ZNF564: variants seen among roughly 807,000 people sequenced by gnomAD.
ZNF564 encodes the protein zinc finger protein 564.
In ZNF564, 5 loss-of-function variants were observed where a neutral mutation model predicts 10.5. The ratio of observed to expected loss-of-function variants is 0.48; its 90% CI spans 0.25 to 1.00. The LOEUF (loss-of-function observed/expected upper bound fraction) is 1.00, where lower values mean the gene tolerates loss of function less well. Ranked by LOEUF, ZNF564 falls within the 50% of genes least tolerant of loss-of-function variation. The pLI is 0.16. For missense variants in ZNF564, 603 were observed against 669.7 expected, an observed-to-expected ratio of 0.90 and a Z score of 1.10; for synonymous variants, 242 against 218.1, an observed-to-expected ratio of 1.11 and a Z score of -0.97.
At chr19:12,543,078 A>G (rs1357224990) in intron 1 of ZNF564, among the ~76,000 whole-genome samples, 1 of 152,124 alleles carries the variant, frequency 6.6e-6, no homozygotes, top group Non-Finnish European at 1.5e-5. Flanking sequence ...AGGCGGGCAG[A>G]TCACCCAAGG....
intron 1 of ZNF564, chr19:12,550,467 C>T (rs2022232165): frequency 3.9e-6 from 1 of 254,188 alleles, no homozygotes; most frequent in Admixed American, 4.3e-5. Flanking sequence ...ACCAACCTGG[C>T]CAACATGGAG....
chr19:12,528,259 C>T, intron 3 of ZNF564, 45 bp downstream of exon 3: 2 of 1,526,914 alleles, frequency 1.3e-6, no homozygotes, highest in Non-Finnish European at 1.8e-6. Context: ...AATTTCATGA[C>T]ATACTAAGAA....
At chr19:12,538,608 C>T (rs911186517) in intron 1 of ZNF564, among the ~76,000 whole-genome samples, 5 of 151,746 alleles carry the variant, frequency 3.3e-5, no homozygotes, top group Admixed American at 3.3e-4. Flanking sequence ...CTGGGCAACA[C>T]AGCAAGACTC....
intron 1 of ZNF564, 110 bp downstream of exon 1, chr19:12,551,220 C>A: frequency 1.5e-6 from 2 of 1,312,674 alleles, no homozygotes; most frequent in Non-Finnish European, 1.1e-6. Context: ...GAACTCGGGT[C>A]CCAGACCCTG....
intron 1 of ZNF564, among the ~76,000 whole-genome samples, chr19:12,529,175 CTT>C (rs2021751466): frequency 1.3e-5 from 2 of 152,192 alleles, no homozygotes; most frequent in South Asian, 4.1e-4. Flanking sequence ...TCTACATTCA[CTT>C]TCTCATAAAT....
At chr19:12,543,685 A>AG (rs1444779782) in intron 1 of ZNF564, among the ~76,000 whole-genome samples, 1 of 151,424 alleles carries the variant, frequency 6.6e-6, no homozygotes, top group Non-Finnish European at 1.5e-5. Flanking sequence ...AAAAAAAAAA[A>AG]AAAAAAAAAA....
intron 1 of ZNF564, among the ~76,000 whole-genome samples, chr19:12,537,738 CAAAAAAA>C (rs56173239): frequency 8.7e-6 from 1 of 114,558 alleles, no homozygotes; most frequent in Non-Finnish European, 1.7e-5. Flanking sequence ...AACTCCGTCT[CAAAAAAA>C]AAAAAAAAGA....
At chr19:12,543,937 C>A (rs764291287) in intron 1 of ZNF564, among the ~76,000 whole-genome samples, 2 of 152,120 alleles carry the variant, frequency 1.3e-5, no homozygotes, top group Non-Finnish European at 2.9e-5. Context: ...AGACAGCTTG[C>A]TTCCTCTCTC....
rs1389751499 is a variant in ZNF564 at position 12,533,271 on chromosome 19, AAAG to A, written c.4-4578_4-4576del. 4.6e-5 allele frequency among the ~76,000 whole-genome samples: 7 copies of A among 152,360 alleles called. No individual in the cohort carries two copies. The South Asian group carries it at 1.2e-3, about 27-fold the overall frequency. ...ACAATTCTAAATAAGCACATGGATCAAAGAAGTCTGAGAAATCAAAAATAATTT... is the reference window on the plus strand; with the variant it reads ...ACAATTCTAAATAAGCACATGGATCAAAGTCTGAGAAATCAAAAATAATTT... On this transcript the variant is annotated intron_variant, in intron 1 of 3. Coordinates refer to ENST00000339282, the MANE Select transcript of ZNF564 (RefSeq NM_144976.4).
At chr19:12,537,438 T>C (rs140206141) in intron 1 of ZNF564, among the ~76,000 whole-genome samples, 114 of 152,328 alleles carry the variant, frequency 7.5e-4, no homozygotes, top group African/African-American at 2.5e-3. Flanking sequence ...TTAAAGTATA[T>C]GGAAGACAAT....
At chr19:12,528,262 A>G (rs1401493747) in intron 3 of ZNF564, 42 bp downstream of exon 3, 1 of 1,541,870 alleles carries the variant, frequency 6.5e-7, no homozygotes, top group African/African-American at 1.4e-5. Context: ...TTCATGACAT[A>G]CTAAGAAGGA....
chr19:12,526,850 G>T lies in ZNF564; in HGVS notation c.1258C>A (p.Pro420Thr). Residue 420 changes from proline (P) to threonine (T), a missense_variant, in exon 4 of 4, where the codon CCC becomes ACC. Physicochemically the swap from Pro to Thr is conservative, Grantham distance 38. Coordinates refer to ENST00000339282, the MANE Select transcript of ZNF564 (RefSeq NM_144976.4). The stretch of plus-strand genomic sequence containing the variant: ...TTCCCACATACCTGACATTCATAGG[G>T]TTTCTCTCCAGTGTGAGTTCTTTCG... The part of the protein sequence containing the change: ...IHERTHTGEK[P>T]YECQVCGKAF... 6.2e-7 allele frequency: 1 copy of T among 1,614,028 alleles called. No individual in the cohort carries two copies. Among genetic ancestry groups the T allele is most frequent in the Non-Finnish European group, 8.5e-7 (1 of 1,179,996 alleles).
At chr19:12,545,121 G>C (rs951513898) in intron 1 of ZNF564, among the ~76,000 whole-genome samples, 13 of 152,068 alleles carry the variant, frequency 8.5e-5, no homozygotes, top group African/African-American at 3.1e-4. Context: ...AATTAGCTGG[G>C]CGTGGTGGCG....
intron 1 of ZNF564, 36 bp downstream of exon 1, chr19:12,551,294 C>A (rs1369730750): frequency 5.0e-6 from 8 of 1,599,886 alleles, no homozygotes; most frequent in African/African-American, 1.3e-5. Flanking sequence ...ACAAGCCCCT[C>A]CCCCAGTCTC....
intron 1 of ZNF564, among the ~76,000 whole-genome samples, chr19:12,531,364 T>C (rs550447673): frequency 1.3e-5 from 2 of 151,904 alleles, no homozygotes; most frequent in Non-Finnish European, 2.9e-5. Context: ...GTTAGGAGTT[T>C]GAGTCTGACC....
intron 2 of ZNF564, 75 bp downstream of exon 2, chr19:12,528,495 A>G: frequency 6.3e-7 from 1 of 1,597,632 alleles, no homozygotes; most frequent in Admixed American, 1.8e-5. Context: ...CACATTAGAC[A>G]TCATGAAAAA....
In ZNF564 at chr19:12,548,737, C is replaced by A. The variant is rs2022199362; in HGVS notation, c.3+2593G>T. On this transcript the variant is annotated intron_variant, in intron 1 of 3. Transcript: ENST00000339282. Reference sequence around the variant, plus strand: ...ATTATTGTTACTTCCATGACAACTTCTTTACTAATATTTAATTCACTAATA... The same window carrying A: ...ATTATTGTTACTTCCATGACAACTTATTTACTAATATTTAATTCACTAATA... 11 of 696,998 alleles carry A rather than the reference C, an allele frequency of 1.6e-5. No homozygotes were observed. In the Admixed American group the frequency reaches 2.2e-4, roughly 14 times the overall value. 43.2% of individuals were successfully genotyped at this position (696,998 alleles called of 1,614,324 possible).
chr19:12,533,727 CAAAAAA>C (rs59631972), intron 1 of ZNF564, among the ~76,000 whole-genome samples: 4 of 29,172 alleles, frequency 1.4e-4, no homozygotes, highest in African/African-American at 6.8e-4. Context: ...CTGCTGTCTC[CAAAAAA>C]AAAAAAAAAA....
At chr19:12,533,125 C>T (rs2021840265) in intron 1 of ZNF564, among the ~76,000 whole-genome samples, 2 of 152,124 alleles carry the variant, frequency 1.3e-5, no homozygotes, top group Admixed American at 6.6e-5. Flanking sequence ...GCATAAAACA[C>T]ACCTTAATAT....
Sources: allele counts gnomAD v4.1 joint callset (sites outside exome capture counted in the v4.1 genomes callset), GRCh38; gene constraint gnomAD v4.1.1; transcripts MANE v1.5; gene names NCBI Gene and HGNC (gene_info 2026-07-23, HGNC 2026-07-21).